The following GRIK4 variants were observed in gnomAD, a reference collection of about 807,000 sequenced individuals.
The protein encoded by GRIK4 is glutamate receptor ionotropic, kainate 4.
In GRIK4, 40 loss-of-function variants were observed where a neutral mutation model predicts 104.9. The observed-to-expected ratio is 0.38, with a 90% CI of 0.30 to 0.50. The LOEUF is 0.50. Among genes scored for constraint, GRIK4 ranks in the 20% least tolerant of loss-of-function variants. GRIK4 has a pLI of 0.93. For synonymous variants in GRIK4, 485 were observed against 524.9 expected (o/e 0.92, Z 1.04); for missense variants, 1,047 against 1,308.1 (o/e 0.80, Z 3.08).
At chr11:120,824,076 A>C (rs1165395460) in intron 6 of GRIK4, among the ~76,000 whole-genome samples, 1 of 152,224 alleles carries the variant, frequency 6.6e-6, no homozygotes, top group Non-Finnish European at 1.5e-5. Flanking sequence ...TTAGGAGCAG[A>C]ATCTAATTCT....
chr11:120,840,859 A>T (rs2135581088), intron 8 of GRIK4, among the ~76,000 whole-genome samples: 1 of 152,266 alleles, frequency 6.6e-6, no homozygotes, highest in African/African-American at 2.4e-5. Flanking sequence ...GCCAAACAGA[A>T]ACTCTGTACC....
intron 1 of GRIK4, among the ~76,000 whole-genome samples, chr11:120,631,000 ATC>A (rs1365646033): frequency 6.6e-6 from 1 of 152,170 alleles, no homozygotes; most frequent in African/African-American, 2.4e-5. Context: ...GTCTGGCTCT[ATC>A]TCTGTCATTT....
At chr11:120,834,302 C>A (rs1277827466) in intron 7 of GRIK4, among the ~76,000 whole-genome samples, 1 of 96,796 alleles carries the variant, frequency 1.0e-5, no homozygotes, top group Non-Finnish European at 2.4e-5. Flanking sequence ...GTGTGTGTGG[C>A]CATGCTTTTG....
intron 1 of GRIK4, among the ~76,000 whole-genome samples, chr11:120,578,036 A>AG (rs1948507999): frequency 6.6e-6 from 1 of 152,056 alleles, no homozygotes; most frequent in South Asian, 2.1e-4. Context: ...GAGTTGGTAA[A>AG]GGGGTAGTGG....
At chr11:120,831,192 G>A (rs907103060) in intron 6 of GRIK4, among the ~76,000 whole-genome samples, 2 of 152,198 alleles carry the variant, frequency 1.3e-5, no homozygotes, top group Non-Finnish European at 2.9e-5. Flanking sequence ...AAGGCTCTGA[G>A]GAGTTCAAAG....
intron 8 of GRIK4, among the ~76,000 whole-genome samples, chr11:120,845,717 T>C (rs1178987271): frequency 6.6e-6 from 1 of 152,170 alleles, no homozygotes; most frequent in Admixed American, 6.5e-5. Flanking sequence ...GACAACTTTC[T>C]AGTGCCAGAG....
chr11:120,960,299 A>C (rs1944260828), intron 16 of GRIK4, among the ~76,000 whole-genome samples: 1 of 152,238 alleles, frequency 6.6e-6, no homozygotes, highest in South Asian at 2.1e-4. Flanking sequence ...ACTGCACTCC[A>C]GCCTGGCAAC....
chr11:120,786,939 A>G (rs1039286645), intron 3 of GRIK4, among the ~76,000 whole-genome samples: 7 of 152,240 alleles, frequency 4.6e-5, no homozygotes, highest in Non-Finnish European at 7.3e-5. Context: ...CTTTAAATAT[A>G]AAATGCACAC....
At chr11:120,728,437 A>C (rs1174874672) in intron 3 of GRIK4, among the ~76,000 whole-genome samples, 1 of 152,206 alleles carries the variant, frequency 6.6e-6, no homozygotes, top group Admixed American at 6.5e-5. Flanking sequence ...TGAATTTCAG[A>C]CAACAAAATA....
chr11:120,891,978 C>A (rs1244173905), intron 11 of GRIK4, among the ~76,000 whole-genome samples: 1 of 152,150 alleles, frequency 6.6e-6, no homozygotes, highest in African/African-American at 2.4e-5. Flanking sequence ...AGTCACAGTG[C>A]ACGAATGAAT....
intron 3 of GRIK4, among the ~76,000 whole-genome samples, chr11:120,695,868 A>G (rs1950440333): frequency 6.6e-6 from 1 of 152,220 alleles, no homozygotes; most frequent in African/African-American, 2.4e-5. Context: ...GGAAGGAGCA[A>G]TTGAAGGGAC....
At chr11:120,584,889 T>G (rs2135101321) in intron 1 of GRIK4, among the ~76,000 whole-genome samples, 1 of 152,368 alleles carries the variant, frequency 6.6e-6, no homozygotes, top group Middle Eastern at 3.4e-3. Flanking sequence ...CAACCTTGCA[T>G]CCCAGGGATA....
At chr11:120,525,207 G>A (rs540994933) in intron 1 of GRIK4, among the ~76,000 whole-genome samples, 1 of 152,330 alleles carries the variant, frequency 6.6e-6, no homozygotes, top group Admixed American at 6.5e-5. Context: ...CCATGGCTTT[G>A]TCAAGTCAGA....
At chr11:120,529,082 C>T (rs1947895984) in intron 1 of GRIK4, among the ~76,000 whole-genome samples, 1 of 152,184 alleles carries the variant, frequency 6.6e-6, no homozygotes, top group South Asian at 2.1e-4. Flanking sequence ...ATCCATTCCT[C>T]TTCCAGGAAG....
intron 3 of GRIK4, among the ~76,000 whole-genome samples, chr11:120,664,002 G>A (rs1949862942): frequency 6.6e-6 from 1 of 152,178 alleles, no homozygotes; most frequent in South Asian, 2.1e-4. Context: ...TTTCCCACTA[G>A]ACTCTGAACT....
Position 120,986,243 on chromosome 11 carries a change from A to G in GRIK4, c.2854A>G (p.Ser952Gly), listed in dbSNP as rs755844093. The G allele has an allele frequency of 2.6e-5, 39 of 1,502,456 alleles. No individual in the cohort carries two copies. In the East Asian group the frequency reaches 5.8e-4, roughly 22 times the overall value. 93.1% of individuals were successfully genotyped at this position (1,502,456 alleles called of 1,614,324 possible). A position where few individuals can be genotyped will look rare whatever the true frequency, so the allele number is the denominator to read the frequency against. Reference protein sequence around the residue: ...ESLEWEKTTNSSEPE With the variant: ...ESLEWEKTTNGSEPE The stretch of plus-strand genomic sequence containing the variant: ...CCTGGAGTGGGAGAAAACCACCAAC[A>G]GCAGCGAGCCCGAGTAGTCCCGGAG... The change falls in exon 21 of 21, where the codon AGC becomes GGC. Residue 952 changes from serine (S) to glycine (G), a missense_variant. By Grantham distance (56) the Ser-to-Gly change is moderately conservative (BLOSUM62 0). Coordinates refer to ENST00000527524, the MANE Select transcript of GRIK4 (RefSeq NM_014619.5).
At chr11:120,559,903 G>C (rs1043303032) in intron 1 of GRIK4, among the ~76,000 whole-genome samples, 13 of 152,236 alleles carry the variant, frequency 8.5e-5, no homozygotes, top group African/African-American at 2.6e-4. Context: ...AGGGAGGCCT[G>C]AGAGGGAGGC....
chr11:120,603,541 G>A (rs181894210), intron 1 of GRIK4, among the ~76,000 whole-genome samples: 5 of 152,282 alleles, frequency 3.3e-5, no homozygotes, highest in African/African-American at 7.2e-5. Context: ...TTTGTACTAG[G>A]CATGATCATC....
At position 120,956,673 on chromosome 11, in the gene GRIK4, C is replaced by G; in HGVS notation, c.1701-107C>G. ...AGTCCAGCAAAGGGAAGTGGCTTGC[C>G]CAAGGCCACAGGCCGGTCTCAGAGG... On this transcript the variant is annotated intron_variant, in intron 15 of 20. Coordinates refer to ENST00000527524, the MANE Select transcript of GRIK4 (RefSeq NM_014619.5). This position sits in a 1 kb window ranked among gnomAD's most constrained non-coding sequence, Gnocchi z 4.6. The G allele has an allele frequency of 2.8e-6, 2 of 712,650 alleles. No individual in the cohort carries two copies. The highest frequency in any genetic ancestry group is 3.0e-5 in the Admixed American group (1 of 33,350). The allele number at this position is 712,650 out of a possible 1,614,324, so 44.1% of individuals were successfully genotyped here. A position where few individuals can be genotyped will look rare whatever the true frequency, so the allele number is the denominator to read the frequency against.
Sources: gnomAD v4.1 joint callset for allele counts (sites outside exome capture counted in the v4.1 genomes callset) on GRCh38, gnomAD v4.1.1 for gene constraint, Gnocchi (gnomAD v3.1) non-coding constraint, MANE v1.5 for transcripts, NCBI Gene and HGNC (gene_info 2026-07-23, HGNC 2026-07-21) for gene names.